TASP1: variants seen among roughly 807,000 people sequenced by gnomAD.
TASP1 encodes taspase 1.
A neutral mutation model predicts 56.6 loss-of-function variants in TASP1; 16 were observed. The observed-to-expected ratio is 0.28, with a 90% CI of 0.19 to 0.43. The LOEUF (loss-of-function observed/expected upper bound fraction) is 0.43. Ranked by LOEUF, TASP1 falls within the 20% of genes least tolerant of loss-of-function variation. The pLI is 1.00. For synonymous variants in TASP1, 179 were observed against 184.2 expected (o/e 0.97, Z 0.23); for missense variants, 393 against 511.6 (o/e 0.77, Z 2.24).
At chr20:13,176,736 T>C in the TASP1 span, among the ~76,000 whole-genome samples, 1 of 152,208 alleles carries the variant, frequency 6.6e-6, no homozygotes. Context: ...AGAAAACTCT[T>C]AGAACTGATA....
chr20:13,463,798 G>C (rs146167271), intron 11 of TASP1, among the ~76,000 whole-genome samples: 2,540 of 152,038 alleles, frequency 0.017, 75 homozygotes, highest in African/African-American at 0.056. Context: ...ACCACAAAGA[G>C]ATACCAACAC....
At chr20:13,130,379 C>G in the TASP1 span, among the ~76,000 whole-genome samples, 4 of 152,170 alleles carry the variant, frequency 2.6e-5, no homozygotes, top group Non-Finnish European at 4.4e-5. Context: ...GTGATTGGAG[C>G]CTTTCAAGGC....
chr20:13,340,779 A>G, the TASP1 span, among the ~76,000 whole-genome samples: 2 of 152,326 alleles, frequency 1.3e-5, no homozygotes, highest in African/African-American at 4.8e-5. Flanking sequence ...AAGCTGAAAC[A>G]TTACAAATTT....
At chr20:13,117,502 C>T in the TASP1 span, 5 of 1,575,262 alleles carry the variant, frequency 3.2e-6, no homozygotes, top group Admixed American at 9.4e-5. Flanking sequence ...TCCTTCTGCC[C>T]TAGCATGGAA....
At chr20:13,154,968 G>T in the TASP1 span, among the ~76,000 whole-genome samples, 2,796 of 152,118 alleles carry the variant, frequency 0.018, 53 homozygotes, top group South Asian at 0.03. Context: ...ATCACCTGAG[G>T]TCAGGAGTTC....
intron 11 of TASP1, among the ~76,000 whole-genome samples, chr20:13,463,447 T>C (rs898303659): frequency 4.6e-5 from 7 of 152,232 alleles, no homozygotes; most frequent in Non-Finnish European, 8.8e-5. Flanking sequence ...CTTCATGACA[T>C]TGGATTTGGC....
At chr20:13,276,171 C>T in the TASP1 span, among the ~76,000 whole-genome samples, 41,591 of 152,138 alleles carry the variant, frequency 0.27, 5,816 homozygotes, top group Non-Finnish European at 0.3. Context: ...CTGAGGAAAT[C>T]CTTTTCCTCT....
the TASP1 span, among the ~76,000 whole-genome samples, chr20:13,229,314 G>C: frequency 1.3e-5 from 2 of 152,116 alleles, no homozygotes; most frequent in Non-Finnish European, 2.9e-5. Flanking sequence ...AAGTCTTCTA[G>C]TGCACAATTG....
chr20:13,632,473 T>C (rs6033784), intron 1 of TASP1, among the ~76,000 whole-genome samples: 4,317 of 152,178 alleles, frequency 0.028, 213 homozygotes, highest in African/African-American at 0.096. Flanking sequence ...TTAATATATA[T>C]GAGAGATTTT....
the TASP1 span, among the ~76,000 whole-genome samples, chr20:13,256,420 A>G: frequency 6.9e-6 from 1 of 144,380 alleles, no homozygotes; most frequent in African/African-American, 2.6e-5. Context: ...AAAAAAAAAG[A>G]TCCTCTAGAT....
At chr20:13,468,865 G>GTT (rs59010427) in intron 11 of TASP1, among the ~76,000 whole-genome samples, 51,022 of 142,488 alleles carry the variant, frequency 0.36, 9,594 homozygotes, top group Non-Finnish European at 0.43. Context: ...ATGTGTGTGT[G>GTT]TTTTTTTTTT....
At chr20:13,167,109 G>A in the TASP1 span, 2 of 152,150 alleles carry the variant, frequency 1.3e-5, no homozygotes, top group Non-Finnish European at 2.9e-5. Flanking sequence ...TGCATTAGAA[G>A]GTGCCCAAGC....
the TASP1 span, among the ~76,000 whole-genome samples, chr20:13,196,282 A>G: frequency 3.5e-3 from 528 of 152,372 alleles, 4 homozygotes; most frequent in African/African-American, 0.012. Context: ...ATGATGGCCT[A>G]TTATGCGAGT....
At chr20:13,621,438 T>C (rs1045353414) in intron 4 of TASP1, among the ~76,000 whole-genome samples, 2 of 152,002 alleles carry the variant, frequency 1.3e-5, no homozygotes, top group African/African-American at 4.8e-5. Flanking sequence ...CTCAAAAATA[T>C]ATATATAAAA....
intron 2 of TASP1, among the ~76,000 whole-genome samples, chr20:13,625,811 C>G (rs1179686701): frequency 2.6e-5 from 4 of 152,210 alleles, no homozygotes; most frequent in African/African-American, 9.6e-5. Flanking sequence ...TAGAATGTAG[C>G]TCAGGGTGTC....
intron 11 of TASP1, among the ~76,000 whole-genome samples, chr20:13,436,136 G>A (rs909150854): frequency 3.3e-5 from 5 of 152,082 alleles, no homozygotes; most frequent in African/African-American, 1.2e-4. Context: ...AAACTGGAGT[G>A]GAGGATACCC....
the TASP1 span, among the ~76,000 whole-genome samples, chr20:13,301,236 TGGA>T: frequency 6.6e-6 from 1 of 152,166 alleles, no homozygotes; most frequent in Non-Finnish European, 1.5e-5. Context: ...TCCCCCAAGC[TGGA>T]GTGCAGTGAC....
chr20:13,221,640 C>T, the TASP1 span: 1 of 674,518 alleles, frequency 1.5e-6, no homozygotes, highest in Non-Finnish European at 2.0e-6. Context: ...CCCGCGGGCC[C>T]GGGAAGCGGA....
chr20:13,415,250 G>A (rs185987351), intron 13 of TASP1, among the ~76,000 whole-genome samples: 18 of 152,164 alleles, frequency 1.2e-4, no homozygotes, highest in Admixed American at 7.2e-4. Context: ...CAGAGGGAGA[G>A]GAAGGTCCAA....
Sources: gnomAD v4.1 joint callset for allele counts (sites outside exome capture counted in the v4.1 genomes callset) on GRCh38, gnomAD v4.1.1 for gene constraint, MANE v1.5 for transcripts, NCBI Gene and HGNC (gene_info 2026-07-23, HGNC 2026-07-21) for gene names.